GPHN: variants seen among roughly 807,000 people sequenced by gnomAD.
GPHN encodes gephyrin.
A neutral mutation model predicts 95.5 loss-of-function variants in GPHN; 17 were observed. The ratio of observed to expected loss-of-function variants is 0.18; its 90% CI spans 0.12 to 0.27. The LOEUF is 0.27. Among genes scored for constraint, GPHN ranks in the 10% least tolerant of loss-of-function variants. The probability of loss-of-function intolerance (pLI) is 1.00; values close to 1 mark genes in which losing one functional copy is unlikely to be tolerated. For missense variants in GPHN, 660 were observed against 978.1 expected (o/e 0.67, Z 4.34); for synonymous variants, 320 against 322.5 (o/e 0.99, Z 0.08).
chr14:67,176,537 C>CT (rs1336695944), intron 21 of GPHN, among the ~76,000 whole-genome samples: 3 of 152,024 alleles, frequency 2.0e-5, no homozygotes, highest in African/African-American at 7.2e-5. Context: ...CTAAAATTCT[C>CT]TTTTTTTGTT....
At chr14:67,330,754 C>T in the GPHN span, among the ~76,000 whole-genome samples, 2 of 152,132 alleles carry the variant, frequency 1.3e-5, no homozygotes, top group African/African-American at 4.8e-5. Context: ...CCCCGGCACC[C>T]CGCTTCCTTG....
chr14:67,370,814 C>T, the GPHN span, among the ~76,000 whole-genome samples: 3 of 152,006 alleles, frequency 2.0e-5, no homozygotes, highest in Non-Finnish European at 2.9e-5. Context: ...TTGCTTGAGC[C>T]CAGGAGTTCA....
At chr14:67,699,812 T>C in the GPHN span, among the ~76,000 whole-genome samples, 2 of 152,138 alleles carry the variant, frequency 1.3e-5, no homozygotes, top group South Asian at 4.1e-4. Context: ...TGGAACTCTA[T>C]TTAGATAACC....
the GPHN span, among the ~76,000 whole-genome samples, chr14:67,535,281 T>C: frequency 6.6e-6 from 1 of 151,566 alleles, no homozygotes; most frequent in Non-Finnish European, 1.5e-5. Context: ...TTGCACTATA[T>C]ACCCTTTTGT....
the GPHN span, chr14:67,569,222 T>G: frequency 6.2e-7 from 1 of 1,604,920 alleles, no homozygotes; most frequent in South Asian, 1.1e-5. Context: ...CTGCGGTGAG[T>G]TCCAAGTGAG....
chr14:66,940,249 G>A (rs1364527527), intron 8 of GPHN, among the ~76,000 whole-genome samples: 4 of 151,618 alleles, frequency 2.6e-5, no homozygotes, highest in African/African-American at 4.8e-5. Context: ...AAAAGAAGGC[G>A]TTTTGTTGTT....
intron 11 of GPHN, among the ~76,000 whole-genome samples, chr14:67,083,237 C>CCCCT (rs1567305960): frequency 6.6e-6 from 1 of 151,996 alleles, no homozygotes; most frequent in African/African-American, 2.4e-5. Flanking sequence ...ATGCCCCCCC[C>CCCCT]CCTCCAAATC....
At chr14:67,050,822 G>A (rs2075272896) in intron 10 of GPHN, among the ~76,000 whole-genome samples, 1 of 151,414 alleles carries the variant, frequency 6.6e-6, no homozygotes, top group Admixed American at 6.6e-5. Flanking sequence ...TGCAACCCAT[G>A]GTAAGTGAGG....
At chr14:67,208,138 C>T in the GPHN span, 15 of 1,590,116 alleles carry the variant, frequency 9.4e-6, no homozygotes, top group South Asian at 1.2e-5. Context: ...GATACTGTTC[C>T]ACAAACACCT....
At chr14:67,125,679 AG>A (rs1229773291) in intron 17 of GPHN, among the ~76,000 whole-genome samples, 2 of 151,968 alleles carry the variant, frequency 1.3e-5, no homozygotes, top group African/African-American at 4.8e-5. Flanking sequence ...TGGGAGGCTG[AG>A]GCAGGGGAAT....
chr14:67,550,400 G>C, the GPHN span, among the ~76,000 whole-genome samples: 1 of 152,178 alleles, frequency 6.6e-6, no homozygotes, highest in East Asian at 1.9e-4. Context: ...TGTTGTCCAG[G>C]CTGGTCTCCA....
chr14:67,370,682 T>C, the GPHN span, among the ~76,000 whole-genome samples: 1 of 152,186 alleles, frequency 6.6e-6, no homozygotes, highest in African/African-American at 2.4e-5. Flanking sequence ...ATTTTGAGTG[T>C]CCTATATGTT....
the GPHN span, chr14:67,382,385 A>G: frequency 6.9e-7 from 1 of 1,449,022 alleles, no homozygotes; most frequent in Non-Finnish European, 9.4e-7. Flanking sequence ...AATCTCAAGC[A>G]TCCTAATAGT....
chr14:67,122,137 T>G, intron 16 of GPHN, 119 bp from the exon 17 acceptor site: 1 of 920,792 alleles, frequency 1.1e-6, no homozygotes, highest in South Asian at 1.4e-5. Flanking sequence ...ACCTTCAAAA[T>G]GCCAGATACC....
At chr14:67,190,293 G>A in the GPHN span, among the ~76,000 whole-genome samples, 3 of 147,280 alleles carry the variant, frequency 2.0e-5, no homozygotes, top group Non-Finnish European at 3.0e-5. Flanking sequence ...GCACGATCTC[G>A]ACCCACTGCA....
intron 19 of GPHN, among the ~76,000 whole-genome samples, chr14:67,164,139 G>C (rs893944833): frequency 6.6e-6 from 1 of 151,414 alleles, no homozygotes; most frequent in Non-Finnish European, 1.5e-5. Flanking sequence ...GTGGTGGCAC[G>C]TGCCTGTAAT....
chr14:66,741,838 C>G (rs2072816501), intron 2 of GPHN, among the ~76,000 whole-genome samples: 1 of 152,198 alleles, frequency 6.6e-6, no homozygotes, highest in Admixed American at 6.5e-5. Context: ...TTGGCTTTGG[C>G]TCAGTTACCT....
chr14:67,442,050 A>G, the GPHN span: 1 of 153,020 alleles, frequency 6.5e-6, no homozygotes, highest in Non-Finnish European at 1.5e-5. Flanking sequence ...TAAAATTAGA[A>G]GAAGATGACT....
At chr14:67,071,102 A>AT (rs1324786254) in intron 11 of GPHN, among the ~76,000 whole-genome samples, 1 of 152,130 alleles carries the variant, frequency 6.6e-6, no homozygotes, top group East Asian at 1.9e-4. Context: ...AGAACTAGAA[A>AT]TACCATTTGA....
Sources: gnomAD v4.1 joint callset for allele counts (sites outside exome capture counted in the v4.1 genomes callset) on GRCh38, gnomAD v4.1.1 for gene constraint, MANE v1.5 for transcripts, NCBI Gene and HGNC (gene_info 2026-07-23, HGNC 2026-07-21) for gene names.